Variants in DRC8 observed in about 807,000 individuals in gnomAD.
The protein encoded by DRC8 is dynein regulatory complex subunit 8.
At chr1:245,075,060 G>T in the DRC8 span, among the ~76,000 whole-genome samples, 1 of 152,170 alleles carries the variant, frequency 6.6e-6, no homozygotes, top group Non-Finnish European at 1.5e-5. Context: ...AGCATGAAAT[G>T]GTTCAGTTTA....
At chr1:245,043,555 G>GT in the DRC8 span, among the ~76,000 whole-genome samples, 1 of 152,018 alleles carries the variant, frequency 6.6e-6, no homozygotes, top group Non-Finnish European at 1.5e-5. Flanking sequence ...AGGAGTTAGC[G>GT]TTTTTTTAAT....
chr1:245,039,418 T>C, the DRC8 span, among the ~76,000 whole-genome samples: 7 of 142,746 alleles, frequency 4.9e-5, no homozygotes, highest in African/African-American at 7.9e-5. Context: ...GAGGCTGCAG[T>C]GAGCTATGAT....
the DRC8 span, chr1:245,122,296 A>G: frequency 6.1e-6 from 1 of 164,254 alleles, no homozygotes; most frequent in East Asian, 1.9e-4. Flanking sequence ...AGAAGTACCC[A>G]GAAGCATGGC....
chr1:245,078,336 C>A, the DRC8 span, among the ~76,000 whole-genome samples: 1 of 152,058 alleles, frequency 6.6e-6, no homozygotes, highest in Non-Finnish European at 1.5e-5. Context: ...GGGTATAAGT[C>A]CCAAAAGAAA....
chr1:245,018,056 G>A, the DRC8 span, among the ~76,000 whole-genome samples: 1 of 151,866 alleles, frequency 6.6e-6, no homozygotes, highest in African/African-American at 2.4e-5. Context: ...GTGAAACTCT[G>A]TCTCTACTAA....
chr1:245,035,610 T>C, the DRC8 span, among the ~76,000 whole-genome samples: 238 of 152,344 alleles, frequency 1.6e-3, 1 homozygote, highest in African/African-American at 5.1e-3. Context: ...CTCACGCCTG[T>C]AATTCCAGCA....
the DRC8 span, among the ~76,000 whole-genome samples, chr1:245,094,457 G>C: frequency 6.6e-6 from 1 of 152,186 alleles, no homozygotes; most frequent in Non-Finnish European, 1.5e-5. Context: ...AAGCAAGGTG[G>C]AATGAGTACA....
chr1:245,008,670 C>CTTTT, the DRC8 span, among the ~76,000 whole-genome samples: 2 of 139,336 alleles, frequency 1.4e-5, no homozygotes, highest in African/African-American at 5.3e-5. Context: ...TGTTCTCACA[C>CTTTT]TTTTTTTTTT....
At chr1:245,000,124 A>C in the DRC8 span, among the ~76,000 whole-genome samples, 1 of 152,230 alleles carries the variant, frequency 6.6e-6, no homozygotes, top group Non-Finnish European at 1.5e-5. Flanking sequence ...CGGCCAATAA[A>C]GTTTAATTTT....
the DRC8 span, chr1:245,087,765 T>A: frequency 4.1e-6 from 4 of 981,762 alleles, no homozygotes; most frequent in Non-Finnish European, 4.8e-6. Flanking sequence ...TGAAGGCTTC[T>A]TTTTTAAACA....
At chr1:245,027,063 T>G in the DRC8 span, among the ~76,000 whole-genome samples, 1 of 152,252 alleles carries the variant, frequency 6.6e-6, no homozygotes, top group Non-Finnish European at 1.5e-5. Context: ...TCTGAAATAC[T>G]GTACAACTAC....
chr1:244,973,278 T>G, the DRC8 span, among the ~76,000 whole-genome samples: 1 of 152,206 alleles, frequency 6.6e-6, no homozygotes, highest in African/African-American at 2.4e-5. Flanking sequence ...TAGTGTGAAT[T>G]TGTATTTCAG....
At chr1:245,073,907 A>G in the DRC8 span, among the ~76,000 whole-genome samples, 1 of 152,352 alleles carries the variant, frequency 6.6e-6, no homozygotes, top group South Asian at 2.1e-4. Flanking sequence ...CTCTGTAACA[A>G]GAAAAAGAAG....
chr1:245,081,581 G>A, the DRC8 span, among the ~76,000 whole-genome samples: 1 of 152,096 alleles, frequency 6.6e-6, no homozygotes, highest in Non-Finnish European at 1.5e-5. Flanking sequence ...TGGTTCTCCT[G>A]CTTCAGCCTC....
the DRC8 span, among the ~76,000 whole-genome samples, chr1:245,070,742 A>G: frequency 6.6e-6 from 1 of 152,196 alleles, no homozygotes; most frequent in African/African-American, 2.4e-5. Flanking sequence ...TGTTTCTATG[A>G]TGCTGTGGTC....
the DRC8 span, among the ~76,000 whole-genome samples, chr1:244,986,744 C>CAA: frequency 0.01 from 774 of 76,072 alleles, 11 homozygotes; most frequent in African/African-American, 0.031. Context: ...GACCCTGTCT[C>CAA]AAAAAAAAAA....
At chr1:245,113,304 T>C in the DRC8 span, among the ~76,000 whole-genome samples, 1 of 152,202 alleles carries the variant, frequency 6.6e-6, no homozygotes, top group African/African-American at 2.4e-5. Flanking sequence ...TGAGAAAAGC[T>C]TTTAAGAATG....
chr1:245,064,629 T>C, the DRC8 span, among the ~76,000 whole-genome samples: 1 of 151,850 alleles, frequency 6.6e-6, no homozygotes, highest in South Asian at 2.1e-4. Context: ...TTGAGATTTG[T>C]ATGTTTGAAA....
chr1:245,113,547 C>T, the DRC8 span, among the ~76,000 whole-genome samples: 7 of 152,028 alleles, frequency 4.6e-5, no homozygotes, highest in East Asian at 1.9e-4. Context: ...GAAAAAGTGC[C>T]GTAGAAAGAG....
Sources: allele counts gnomAD v4.1 joint callset (sites outside exome capture counted in the v4.1 genomes callset), GRCh38; gene constraint gnomAD v4.1.1; transcripts MANE v1.5; gene names NCBI Gene and HGNC (gene_info 2026-07-23, HGNC 2026-07-21).